CEMIP: variants seen among roughly 807,000 people sequenced by gnomAD.
CEMIP encodes cell migration-inducing and hyaluronan-binding protein.
Under a neutral mutation model 156.9 loss-of-function variants are expected in CEMIP, and 105 were observed. The observed-to-expected ratio is 0.67, with a 90% CI of 0.57 to 0.79. The LOEUF (loss-of-function observed/expected upper bound fraction) is 0.79. CEMIP is among the 30% of genes least tolerant of loss of function. The pLI is 0.00. For missense variants in CEMIP, 1,457 were observed against 1,769.4 expected (o/e 0.82, Z 3.17); for synonymous variants, 676 against 668.4 (o/e 1.01, Z -0.17).
intron 6 of CEMIP, among the ~76,000 whole-genome samples, chr15:80,882,053 G>A (rs934010709): frequency 1.3e-5 from 2 of 152,144 alleles, no homozygotes; most frequent in Admixed American, 6.5e-5. Context: ...AGCTACCCTG[G>A]GGCTGCTGGG....
At chr15:80,846,662 G>A (rs1048714774) in intron 1 of CEMIP, among the ~76,000 whole-genome samples, 1 of 152,260 alleles carries the variant, frequency 6.6e-6, no homozygotes, top group African/African-American at 2.4e-5. Context: ...ATGTGGAAGG[G>A]AGAAAGGCCT....
intron 1 of CEMIP, among the ~76,000 whole-genome samples, chr15:80,794,230 A>G (rs945645556): frequency 1.3e-5 from 2 of 152,214 alleles, no homozygotes; most frequent in African/African-American, 4.8e-5. Context: ...CTCACACAAA[A>G]TAACAGTGAG....
intron 1 of CEMIP, among the ~76,000 whole-genome samples, chr15:80,817,111 C>T (rs866873976): frequency 3.9e-5 from 6 of 152,058 alleles, no homozygotes; most frequent in African/African-American, 1.4e-4. Context: ...GAGGAAGGAG[C>T]TAAAATGACG....
intron 1 of CEMIP, among the ~76,000 whole-genome samples, chr15:80,837,994 A>G (rs1291391721): frequency 1.3e-5 from 2 of 152,010 alleles, no homozygotes; most frequent in South Asian, 4.2e-4. Flanking sequence ...CTACCAATGC[A>G]TTTCCCACTC....
intron 1 of CEMIP, among the ~76,000 whole-genome samples, chr15:80,840,354 G>A (rs1049471053): frequency 1.3e-5 from 2 of 152,198 alleles, no homozygotes; most frequent in South Asian, 2.1e-4. Context: ...GGCTGGAGCA[G>A]CAGGTCTTGC....
intron 7 of CEMIP, among the ~76,000 whole-genome samples, chr15:80,886,214 T>C (rs542714946): frequency 1.4e-4 from 22 of 151,974 alleles, no homozygotes; most frequent in Non-Finnish European, 2.1e-4. Flanking sequence ...GATCAGCAGC[T>C]TCGGAGGCCC....
At chr15:80,939,877 A>C (rs778481130) in intron 25 of CEMIP, among the ~76,000 whole-genome samples, 101 of 152,324 alleles carry the variant, frequency 6.6e-4, no homozygotes, top group Middle Eastern at 3.4e-3. Context: ...ATGGGCTAGG[A>C]TACTTAACAA....
At chr15:80,787,166 C>T (rs1445083239) in intron 1 of CEMIP, among the ~76,000 whole-genome samples, 2 of 152,224 alleles carry the variant, frequency 1.3e-5, no homozygotes, top group African/African-American at 4.8e-5. Context: ...GAGAGGCTGC[C>T]CCTCACTGAT....
intron 23 of CEMIP, 23 bp downstream of exon 23, chr15:80,933,483 C>A: frequency 6.3e-7 from 1 of 1,584,520 alleles, no homozygotes; most frequent in Non-Finnish European, 8.7e-7. Flanking sequence ...TTCTGGGGGC[C>A]GGCCACTCAC....
In CEMIP at chr15:80,806,013, G is replaced by A. The variant is rs867635493; in HGVS notation, c.-176+26399G>A. ...TACACTAAAAGAAATTTCAATTGCTGGTTAATGGAATATTCTACACTCTGT... is the reference window on the plus strand; with the variant it reads ...TACACTAAAAGAAATTTCAATTGCTAGTTAATGGAATATTCTACACTCTGT... On this transcript the variant is annotated intron_variant, in intron 1 of 29. Transcript: ENST00000394685. Among the ~76,000 whole-genome samples the A allele has an allele frequency of 3.9e-5, 6 of 152,156 alleles. No homozygotes were observed. In the South Asian group the frequency reaches 6.2e-4, roughly 16 times the overall value.
At position 80,879,764 on chromosome 15, in the gene CEMIP, G is replaced by A. The variant is rs199948256; in HGVS notation, c.290G>A (p.Arg97Gln). ...DHDEPIVLRTRHILIDNGGEL... is the reference protein window; with the variant it reads ...DHDEPIVLRTQHILIDNGGEL... ...GACGAGCCGATTGTTTTGCGAACCC[G>A]GCACATCCTGATTGACAACGGAGGA... The change falls in exon 5 of 30, where the codon CGG becomes CAG. Residue 97 changes from arginine (R) to glutamine (Q), a missense_variant. By Grantham distance (43) the Arg-to-Gln change is conservative. Transcript: ENST00000394685. 2.2e-5 allele frequency: 35 copies of A among 1,614,168 alleles called. No individual in the cohort carries two copies. The highest frequency in any genetic ancestry group is 5.3e-5 in the African/African-American group (4 of 75,040).
At chr15:80,905,751 A>G (rs1294079775) in intron 12 of CEMIP, among the ~76,000 whole-genome samples, 2 of 152,212 alleles carry the variant, frequency 1.3e-5, no homozygotes, top group Non-Finnish European at 2.9e-5. Context: ...GCCCAAATGA[A>G]GGAAGAAATG....
intron 29 of CEMIP, 157 bp from the exon 30 acceptor site, chr15:80,948,640 T>C: frequency 1.0e-6 from 1 of 968,590 alleles, no homozygotes. Context: ...GCACCATCAG[T>C]AGCTGAGCAC....
At chr15:80,870,463 G>A (rs545714388) in intron 1 of CEMIP, among the ~76,000 whole-genome samples, 119 of 152,288 alleles carry the variant, frequency 7.8e-4, no homozygotes, top group African/African-American at 2.7e-3. Context: ...TGGGAGTGCC[G>A]TTGCTCTGCA....
chr15:80,926,772 A>C (rs998107056), intron 19 of CEMIP, among the ~76,000 whole-genome samples: 1 of 147,202 alleles, frequency 6.8e-6, no homozygotes, highest in Admixed American at 6.7e-5. Context: ...TTTTTAAAAA[A>C]GTCAAAAAAG....
intron 1 of CEMIP, among the ~76,000 whole-genome samples, chr15:80,862,167 G>A (rs945947975): frequency 4.6e-5 from 7 of 152,320 alleles, no homozygotes; most frequent in African/African-American, 1.7e-4. Context: ...TTGACGTCAG[G>A]TGGCAGCTCC....
chr15:80,825,521 A>G (rs1254527972), intron 1 of CEMIP, among the ~76,000 whole-genome samples: 4 of 152,184 alleles, frequency 2.6e-5, no homozygotes, highest in Admixed American at 2.6e-4. Flanking sequence ...GGGCTGGGCT[A>G]GAAAGTCCTC....
intron 7 of CEMIP, 35 bp downstream of exon 7, chr15:80,884,389 G>A: frequency 6.2e-7 from 1 of 1,606,934 alleles, no homozygotes; most frequent in Non-Finnish European, 8.5e-7. Flanking sequence ...ACTGGGCTCT[G>A]GAACATTGAA....
intron 14 of CEMIP, among the ~76,000 whole-genome samples, chr15:80,918,536 G>A (rs1900357578): frequency 6.6e-6 from 1 of 152,220 alleles, no homozygotes; most frequent in Non-Finnish European, 1.5e-5. Context: ...GGTGGTAGGT[G>A]GAGGATTGTT....
Sources: allele counts gnomAD v4.1 joint callset (sites outside exome capture counted in the v4.1 genomes callset), GRCh38; gene constraint gnomAD v4.1.1; transcripts MANE v1.5; gene names NCBI Gene and HGNC (gene_info 2026-07-23, HGNC 2026-07-21).